Variants in PRLR observed in about 807,000 individuals in gnomAD.
PRLR encodes the protein hPRL receptor.
Under a neutral mutation model 40.2 loss-of-function variants are expected in PRLR, and 13 were observed. The observed-to-expected ratio is 0.32, with a 90% CI of 0.21 to 0.51. The LOEUF is 0.51. Ranked by LOEUF, PRLR falls within the 20% of genes least tolerant of loss-of-function variation. The probability of loss-of-function intolerance (pLI) is 0.97; values close to 1 mark genes in which losing one functional copy is unlikely to be tolerated. For missense variants in PRLR, 656 were observed against 747.3 expected (o/e 0.88, Z 1.42); for synonymous variants, 269 against 278.7 (o/e 0.97, Z 0.35).
At position 35,056,619 on chromosome 5, in the gene PRLR, C is replaced by T. The variant is rs745548167; in HGVS notation, c.*8470G>A. 5.9e-5 allele frequency: 9 copies of T among 152,056 alleles called. No individual in the cohort carries two copies. Among genetic ancestry groups the T allele is most frequent in the African/African-American group, 1.7e-4 (7 of 41,400 alleles). The allele number at this position is 152,056 out of a possible 1,614,324, so 9.4% of individuals were successfully genotyped here. A position where few individuals can be genotyped will look rare whatever the true frequency, so the allele number is the denominator to read the frequency against. On this transcript the variant is annotated 3_prime_UTR_variant, in exon 10 of 10. Coordinates refer to ENST00000618457, the MANE Select transcript of PRLR (RefSeq NM_000949.7). ...CAATATTTAATTTCTGTTTTCTTTC[C>T]GGAAAGTATATTCAATGCTTTTGAA...
At chr5:35,081,169 A>G (rs976088944) in intron 5 of PRLR, 3 of 153,412 alleles carry the variant, frequency 2.0e-5, no homozygotes, top group Admixed American at 1.3e-4. Context: ...GTGCACATGT[A>G]CCCTAGAACT....
intron 2 of PRLR, among the ~76,000 whole-genome samples, chr5:35,107,954 A>C (rs1411707303): frequency 6.6e-6 from 1 of 152,162 alleles, no homozygotes; most frequent in Admixed American, 6.5e-5. Flanking sequence ...TCCTTGATGA[A>C]CATCGATGCA....
chr5:35,086,585 G>GTGTGTGTA (rs1459529909), intron 3 of PRLR, among the ~76,000 whole-genome samples: 1 of 152,010 alleles, frequency 6.6e-6, no homozygotes, highest in African/African-American at 2.4e-5. Context: ...GTGTGTGTGT[G>GTGTGTGTA]TGTCTGTGTA....
intron 1 of PRLR, among the ~76,000 whole-genome samples, chr5:35,199,788 T>G (rs553547554): frequency 6.6e-6 from 1 of 152,314 alleles, no homozygotes; most frequent in South Asian, 2.1e-4. Context: ...GTTACTCCCT[T>G]ATCCTCCATA....
At chr5:35,083,667 G>A (rs181291656) in intron 5 of PRLR, among the ~76,000 whole-genome samples, 8 of 151,416 alleles carry the variant, frequency 5.3e-5, no homozygotes, top group Non-Finnish European at 1.2e-4. Context: ...TTACAGGCAC[G>A]CACCACCACA....
intron 1 of PRLR, among the ~76,000 whole-genome samples, chr5:35,137,669 A>G (rs1331961438): frequency 2.6e-5 from 4 of 152,256 alleles, no homozygotes; most frequent in Non-Finnish European, 5.9e-5. Flanking sequence ...CAGTCATTAA[A>G]TAACAAGGCA....
intron 1 of PRLR, among the ~76,000 whole-genome samples, chr5:35,174,204 C>T (rs1775081052): frequency 6.6e-6 from 1 of 152,102 alleles, no homozygotes; most frequent in African/African-American, 2.4e-5. Context: ...ATTCTCCTGC[C>T]TCAGCCTCCC....
intron 5 of PRLR, among the ~76,000 whole-genome samples, chr5:35,074,450 G>A (rs1233446747): frequency 2.7e-5 from 4 of 146,924 alleles, no homozygotes; most frequent in East Asian, 2.0e-4. Context: ...TGACAAGAGC[G>A]AAACTCCATT....
At chr5:35,103,742 A>G (rs1373659745) in intron 2 of PRLR, among the ~76,000 whole-genome samples, 1 of 152,232 alleles carries the variant, frequency 6.6e-6, no homozygotes, top group Non-Finnish European at 1.5e-5. Context: ...ACAGAAATTA[A>G]TATTACCATA....
rs569247077 is a variant in PRLR at position 35,094,727 on chromosome 5, C to T, written c.-43-5064G>A. On this transcript the variant is annotated intron_variant, in intron 2 of 9. Transcript: ENST00000618457. ...TCGGGGTCCTTGGCCCACTGGGTTT[C>T]CTTACCTGCCTTGTTCTACCTGGGT... Among the ~76,000 whole-genome samples the T allele has an allele frequency of 2.9e-3, 438 of 152,212 alleles. 5 individuals are homozygous for T. The highest frequency in any genetic ancestry group is 0.01 in the African/African-American group (425 of 41,508).
At chr5:35,184,449 G>T (rs1775372683) in intron 1 of PRLR, among the ~76,000 whole-genome samples, 1 of 152,206 alleles carries the variant, frequency 6.6e-6, no homozygotes, top group Non-Finnish European at 1.5e-5. Flanking sequence ...GGGAGGAAGA[G>T]GTTGCAGCAG....
At chr5:35,125,747 A>G (rs1040076377) in intron 1 of PRLR, among the ~76,000 whole-genome samples, 1 of 152,216 alleles carries the variant, frequency 6.6e-6, no homozygotes, top group Non-Finnish European at 1.5e-5. Flanking sequence ...TGGTCTTAGT[A>G]TCCAGGGCTT....
downstream of PRLR, among the ~76,000 whole-genome samples, chr5:35,055,337 A>AAACTTCTGGGTGCTTCCAAGC (rs1360846132): frequency 6.6e-6 from 1 of 152,146 alleles, no homozygotes; most frequent in Non-Finnish European, 1.5e-5. Context: ...AAGTTCCAAG[A>AAACTTCTGGGTGCTTCCAAGC]AACTTCTGGG....
chr5:35,137,676 G>C (rs1228065685), intron 1 of PRLR, among the ~76,000 whole-genome samples: 2 of 152,162 alleles, frequency 1.3e-5, no homozygotes, highest in Non-Finnish European at 2.9e-5. Context: ...TAAATAACAA[G>C]GCAAGACAAG....
At chr5:35,198,690 A>AT (rs1358018655) in intron 1 of PRLR, among the ~76,000 whole-genome samples, 7 of 152,052 alleles carry the variant, frequency 4.6e-5, no homozygotes, top group East Asian at 1.9e-4. Flanking sequence ...AGAAATATAT[A>AT]TTTTTTTTGT....
chr5:35,143,508 C>G (rs994340408), intron 1 of PRLR, among the ~76,000 whole-genome samples: 1 of 152,206 alleles, frequency 6.6e-6, no homozygotes, highest in African/African-American at 2.4e-5. Context: ...CTTACAGACA[C>G]ACAAACCTCG....
intron 1 of PRLR, among the ~76,000 whole-genome samples, chr5:35,203,389 A>G (rs1775931038): frequency 6.6e-6 from 1 of 152,160 alleles, no homozygotes; most frequent in East Asian, 1.9e-4. Context: ...TTGAGTGTGT[A>G]ATTAGAAAGA....
intron 1 of PRLR, among the ~76,000 whole-genome samples, chr5:35,128,766 C>T (rs2111764683): frequency 6.6e-6 from 1 of 152,300 alleles, no homozygotes; most frequent in Non-Finnish European, 1.5e-5. Context: ...CATTCACCTC[C>T]TCTGAGACTT....
chr5:35,226,834 G>A (rs1206721913), intron 1 of PRLR, among the ~76,000 whole-genome samples: 1 of 152,144 alleles, frequency 6.6e-6, no homozygotes, highest in Non-Finnish European at 1.5e-5. Flanking sequence ...CACTCTCTCT[G>A]GCATAGAAGC....
Sources: allele counts gnomAD v4.1 joint callset (sites outside exome capture counted in the v4.1 genomes callset), GRCh38; gene constraint gnomAD v4.1.1; transcripts MANE v1.5; gene names NCBI Gene and HGNC (gene_info 2026-07-23, HGNC 2026-07-21).